Variants in DTNA observed in about 807,000 individuals in gnomAD.
DTNA encodes the protein dystrobrevin alpha, also known as dystrophin-related protein 3.
In DTNA, 43 loss-of-function variants were observed where a neutral mutation model predicts 100.7. The observed-to-expected ratio is 0.43, with a 90% CI of 0.33 to 0.55. The LOEUF (loss-of-function observed/expected upper bound fraction) is 0.55, where lower values mean the gene tolerates loss of function less well. Among genes scored for constraint, DTNA ranks in the 20% least tolerant of loss-of-function variants. The pLI is 0.04. For missense variants in DTNA, 798 were observed against 953.9 expected (o/e 0.84, Z 2.15); for synonymous variants, 349 against 347.9 (o/e 1.00, Z -0.04).
At chr18:34,505,900 CA>C (rs947153812) in intron 1 of DTNA, among the ~76,000 whole-genome samples, 1 of 152,144 alleles carries the variant, frequency 6.6e-6, no homozygotes, top group African/African-American at 2.4e-5. Flanking sequence ...GAATGATTTT[CA>C]ATGGAAACTT....
intron 11 of DTNA, among the ~76,000 whole-genome samples, chr18:34,831,646 T>A (rs1197601021): frequency 2.0e-5 from 3 of 152,058 alleles, no homozygotes; most frequent in African/African-American, 7.2e-5. Context: ...CGGGTGCCTG[T>A]AATCCCAGCT....
chr18:34,818,852 A>G (rs1055265092), intron 8 of DTNA, among the ~76,000 whole-genome samples: 2 of 152,158 alleles, frequency 1.3e-5, no homozygotes, highest in African/African-American at 4.8e-5. Context: ...TGGTTATATT[A>G]GCAAACCATC....
intron 1 of DTNA, among the ~76,000 whole-genome samples, chr18:34,603,282 C>T (rs2147252607): frequency 6.6e-6 from 1 of 151,936 alleles, no homozygotes; most frequent in South Asian, 2.1e-4. Context: ...ACCTCTAGTA[C>T]ATTGTATTAA....
intron 3 of DTNA, among the ~76,000 whole-genome samples, chr18:34,772,059 TC>T (rs893462351): frequency 4.6e-5 from 7 of 151,998 alleles, no homozygotes; most frequent in African/African-American, 1.7e-4. Flanking sequence ...ATCTAATCCC[TC>T]CTGTTTAATA....
At chr18:34,747,920 T>A (rs2147966008) in intron 1 of DTNA, among the ~76,000 whole-genome samples, 1 of 152,310 alleles carries the variant, frequency 6.6e-6, no homozygotes, top group East Asian at 1.9e-4. Flanking sequence ...CTAGTTTACA[T>A]TCCCAGCAGC....
chr18:34,697,229 A>G (rs2080702483), intron 1 of DTNA, among the ~76,000 whole-genome samples: 1 of 152,174 alleles, frequency 6.6e-6, no homozygotes, highest in Non-Finnish European at 1.5e-5. Context: ...CTCCATTTTC[A>G]GATGATGAAG....
At position 34,729,459 on chromosome 18, in the gene DTNA, G is replaced by A. The variant is rs550804035; in HGVS notation, c.-2+19014G>A. The stretch of plus-strand genomic sequence containing the variant: ...CAACTAGAAGTTTTAATACCTTCCT[G>A]TAGGTGGCAGGTTGCTGCTCTCTCC... On this transcript the variant is annotated intron_variant, in intron 1 of 22. Transcript: ENST00000444659. 2.0e-5 allele frequency among the ~76,000 whole-genome samples: 3 copies of A among 152,326 alleles called. No individual in the cohort carries two copies. The South Asian group carries it at 6.2e-4, about 32-fold the overall frequency.
intron 3 of DTNA, among the ~76,000 whole-genome samples, chr18:34,779,331 T>C (rs2094210499): frequency 6.6e-6 from 1 of 152,206 alleles, no homozygotes; most frequent in Non-Finnish European, 1.5e-5. Flanking sequence ...GTAATGACTC[T>C]ATGCATGACA....
intron 1 of DTNA, among the ~76,000 whole-genome samples, chr18:34,531,532 T>A (rs1204435930): frequency 6.6e-6 from 1 of 152,178 alleles, no homozygotes; most frequent in Non-Finnish European, 1.5e-5. Context: ...TTTATAACTT[T>A]CTGTTATCTT....
chr18:34,713,377 T>C (rs2083284787), intron 1 of DTNA, among the ~76,000 whole-genome samples: 1 of 152,140 alleles, frequency 6.6e-6, no homozygotes, highest in Non-Finnish European at 1.5e-5. Flanking sequence ...TTATCAGACT[T>C]TATTATAAAA....
intron 1 of DTNA, among the ~76,000 whole-genome samples, chr18:34,605,986 A>C (rs1245369151): frequency 6.6e-6 from 1 of 152,138 alleles, no homozygotes; most frequent in East Asian, 1.9e-4. Context: ...ATTCTCCTAT[A>C]GTGTTAAAAA....
chr18:34,851,850 G>T lies in DTNA; in HGVS notation c.1454G>T (p.Ser485Ile). Residue 485 changes from serine (S) to isoleucine (I), a missense_variant, in exon 15 of 23, where the codon AGT becomes ATT. Physicochemically the swap from Ser to Ile is moderately radical, Grantham distance 142. Transcript: ENST00000444659. Reference protein sequence around the residue: ...SSSSQPPQQRSAPDISFTIDA... With the variant: ...SSSSQPPQQRIAPDISFTIDA... ...TTACAGCAGCCACCTCAGCAGAGAA[G>T]TGCTCCTGACATCTCTTTCACCATC... The T allele has an allele frequency of 6.2e-7, 1 of 1,614,060 alleles. No homozygotes were observed. Among genetic ancestry groups the T allele is most frequent in the Middle Eastern group, 1.7e-4 (1 of 6,058 alleles).
At chr18:34,817,839 T>C in intron 7 of DTNA, 3 of 757,106 alleles carry the variant, frequency 4.0e-6, no homozygotes, top group East Asian at 1.2e-4. Flanking sequence ...AGAGAGCAGT[T>C]TGGGGTAAAG....
chr18:34,592,816 A>C (rs1292597821), intron 1 of DTNA, among the ~76,000 whole-genome samples: 2 of 152,184 alleles, frequency 1.3e-5, no homozygotes, highest in East Asian at 3.9e-4. Context: ...TCCTCTGTAA[A>C]ATTACATGTG....
At chr18:34,829,180 T>G (rs928463520) in intron 10 of DTNA, 2 of 1,600,574 alleles carry the variant, frequency 1.2e-6, no homozygotes, top group African/African-American at 2.7e-5. Context: ...ATTATTTCCC[T>G]TTTTTCCCAT....
chr18:34,728,256 C>T (rs1045436227), intron 1 of DTNA, among the ~76,000 whole-genome samples: 1 of 151,808 alleles, frequency 6.6e-6, no homozygotes, highest in Non-Finnish European at 1.5e-5. Context: ...GAAATCAGGA[C>T]AAAAATGATT....
rs545179006 is a variant in DTNA, at chr18:34,542,515, A to T, written c.-2+49001A>T. The stretch of plus-strand genomic sequence containing the variant: ...GACTACATAGTAACCCACTTCTGAC[A>T]AAGGCCAGTCTACACTGCCAAAGTG... On this transcript the variant is annotated intron_variant, in intron 1 of 19. Coordinates refer to the DTNA transcript ENST00000283365. Among the ~76,000 whole-genome samples the T allele has an allele frequency of 1.7e-4, 26 of 152,124 alleles. No individual in the cohort carries two copies. The South Asian group carries it at 5.0e-3, about 29-fold the overall frequency.
At position 34,711,041 on chromosome 18, in the gene DTNA, C is replaced by A. The variant is rs555616965; in HGVS notation, c.-2+596C>A. Reference sequence around the variant, plus strand: ...CTATTATTTCTATTAGCATTCTAATCTTTTAGGCATTGTGGCTGTATGTGT... The same window carrying A: ...CTATTATTTCTATTAGCATTCTAATATTTTAGGCATTGTGGCTGTATGTGT... On this transcript the variant is annotated intron_variant, in intron 1 of 22. Transcript: ENST00000444659. Among the ~76,000 whole-genome samples the A allele has an allele frequency of 2.4e-4, 36 of 152,142 alleles. No homozygotes were observed. The South Asian group carries it at 7.3e-3, about 31-fold the overall frequency.
chr18:34,509,755 G>A (rs2040847689), intron 1 of DTNA, among the ~76,000 whole-genome samples: 1 of 151,994 alleles, frequency 6.6e-6, no homozygotes, highest in Non-Finnish European at 1.5e-5. Context: ...TTGGATTTAA[G>A]TTTTTGTTTC....
Sources: gnomAD v4.1 joint callset for allele counts (sites outside exome capture counted in the v4.1 genomes callset) on GRCh38, gnomAD v4.1.1 for gene constraint, MANE v1.5 for transcripts, NCBI Gene and HGNC (gene_info 2026-07-23, HGNC 2026-07-21) for gene names.